WAC: variants seen among roughly 807,000 people sequenced by gnomAD.
WAC encodes WW domain-containing adapter protein with coiled-coil.
A neutral mutation model predicts 79.6 loss-of-function variants in WAC; 11 were observed. That is an observed-to-expected ratio of 0.14 (90% CI 0.09 to 0.23). The LOEUF (loss-of-function observed/expected upper bound fraction) is 0.23. Among genes scored for constraint, WAC ranks in the 10% least tolerant of loss-of-function variants. WAC has a pLI of 1.00. For missense variants in WAC, 728 were observed against 773.5 expected, an observed-to-expected ratio of 0.94 and a Z score of 0.70; for synonymous variants, 304 against 276.9, an observed-to-expected ratio of 1.10 and a Z score of -0.97.
chr10:28,600,649 G>C (rs1294181276), intron 7 of WAC, among the ~76,000 whole-genome samples: 2 of 152,040 alleles, frequency 1.3e-5, no homozygotes, highest in South Asian at 2.1e-4. Flanking sequence ...AATATTGTTT[G>C]TAATTTGAGG....
intron 2 of WAC, 81 bp downstream of exon 2, chr10:28,534,115 G>T: frequency 7.1e-7 from 1 of 1,401,398 alleles, no homozygotes; most frequent in South Asian, 1.4e-5. Context: ...GCAGGCCTCA[G>T]AAGTCGATAC....
Position 28,535,707 on chromosome 10 carries a change from A to C in WAC, c.224A>C (p.His75Pro). 6.2e-7 allele frequency: 1 copy of C among 1,614,106 alleles called. No homozygotes were observed. The highest frequency in any genetic ancestry group is 8.5e-7 in the Non-Finnish European group (1 of 1,180,000). ...AACAAATACAGTGACAGCACAGGTC[A>C]CAGTAAGGCCAAAAATGTGCATACT... is the stretch of plus-strand genomic sequence containing the variant. Reference protein sequence around the residue: ...PENKYSDSTGHSKAKNVHTHR... With the variant: ...PENKYSDSTGPSKAKNVHTHR... The change falls in exon 3 of 14, where the codon CAC becomes CCC. Residue 75 changes from histidine (H) to proline (P), a missense_variant. His to Pro is a moderately conservative substitution (Grantham distance 77, BLOSUM62 -2). This residue lies in a region of WAC where 648 missense variants were observed against 661.5 expected (regional missense o/e 0.98). Transcript: ENST00000354911.
intron 12 of WAC, 73 bp downstream of exon 12, chr10:28,616,435 C>T: frequency 8.5e-7 from 1 of 1,182,860 alleles, no homozygotes; most frequent in Non-Finnish European, 1.1e-6. Flanking sequence ...TCTAGAGAAT[C>T]TAATGTGACC....
At chr10:28,618,291 T>G (rs558958901) in intron 13 of WAC, among the ~76,000 whole-genome samples, 2 of 152,362 alleles carry the variant, frequency 1.3e-5, no homozygotes, top group African/African-American at 4.8e-5. Context: ...GGTATTATTT[T>G]TTAATGCCTA....
At chr10:28,560,378 G>T (rs1207203801) in intron 3 of WAC, among the ~76,000 whole-genome samples, 1 of 152,054 alleles carries the variant, frequency 6.6e-6, no homozygotes, top group African/African-American at 2.4e-5. Flanking sequence ...GAGTGTGTGT[G>T]GGGGGCACGA....
rs3758361 is a variant in WAC at position 28,608,121 on chromosome 10, C to T, written c.920-65C>T. 495 of 1,588,576 alleles carry T rather than the reference C, an allele frequency of 3.1e-4. 2 individuals are homozygous for T. The East Asian group carries it at 3.6e-3, about 12-fold the overall frequency. On this transcript the variant is annotated intron_variant, in intron 7 of 13. Transcript: ENST00000354911. The stretch of plus-strand genomic sequence containing the variant: ...GGTGCCTGGCACATGAGAGGTGTTC[C>T]TTTGATGTTTGTTCCAATTTTCTCT...
At chr10:28,611,215 C>A (rs1300691158) in intron 9 of WAC, 1 of 1,253,666 alleles carries the variant, frequency 8.0e-7, no homozygotes. Context: ...TGTTTTTTGA[C>A]TGGATAATAT....
At position 28,608,282 on chromosome 10, in the gene WAC, C is replaced by G. The variant is rs940404623; in HGVS notation, c.1016C>G (p.Ser339Cys). The G allele has an allele frequency of 6.2e-7, 1 of 1,614,226 alleles. No homozygotes were observed. Among genetic ancestry groups the G allele is most frequent in the Non-Finnish European group, 8.5e-7 (1 of 1,180,032 alleles). ...AACCCCACATCTGCACCTCCAACAT[C>G]TGCTTCAGCGGTCCCTGTTTCTCCT... ...GLNPTSAPPT[S>C]ASAVPVSPVP... The change falls in exon 8 of 14, where the codon TCT becomes TGT. Residue 339 changes from serine to cysteine, a missense_variant. Around this residue, in one of 3 missense-constraint regions of WAC, gnomAD observed 648 missense variants for 661.5 expected, o/e 0.98. Coordinates refer to ENST00000354911, the MANE Select transcript of WAC (RefSeq NM_016628.5).
intron 3 of WAC, among the ~76,000 whole-genome samples, chr10:28,544,730 T>C (rs1216175704): frequency 6.6e-6 from 1 of 151,966 alleles, no homozygotes; most frequent in East Asian, 1.9e-4. Context: ...TCCAGGACTT[T>C]GTGGTTCAGA....
intron 3 of WAC, among the ~76,000 whole-genome samples, chr10:28,579,474 G>A (rs141637430): frequency 6.6e-6 from 1 of 152,100 alleles, no homozygotes; most frequent in Non-Finnish European, 1.5e-5. Flanking sequence ...GCTCTTACTG[G>A]ATAGGTTCAG....
chr10:28,552,875 T>C (rs1837764394), intron 3 of WAC, among the ~76,000 whole-genome samples: 2 of 141,280 alleles, frequency 1.4e-5, no homozygotes, highest in Admixed American at 1.5e-4. Context: ...TTTTGTCTTC[T>C]TGGGTAAAGA....
Position 28,595,914 on chromosome 10 carries a change from T to C in WAC, c.792T>C (p.Pro264=), listed in dbSNP as rs745887419. The change falls in exon 7 of 14, where the codon CCT becomes CCC. Residue 264 remains proline (P), a synonymous_variant. Coordinates refer to ENST00000354911, the MANE Select transcript of WAC (RefSeq NM_016628.5). The stretch of plus-strand genomic sequence containing the variant: ...CAACTGCTACCCCAAGCACTGTTCC[T>C]TCTAGTCCATTTACGCTACAGTCTG... ...VHPTATPSTV[P]SSPFTLQSDH... is the part of the protein sequence containing the mutation. The C allele has an allele frequency of 1.9e-6, 3 of 1,614,198 alleles. No individual in the cohort carries two copies. Among genetic ancestry groups the C allele is most frequent in the South Asian group, 1.1e-5 (1 of 91,084 alleles).
intron 3 of WAC, among the ~76,000 whole-genome samples, chr10:28,559,056 A>AT (rs1838154695): frequency 6.6e-6 from 1 of 152,040 alleles, no homozygotes; most frequent in Non-Finnish European, 1.5e-5. Context: ...GTACGTAAAT[A>AT]TATCAGGCAG....
In WAC at chr10:28,619,634, A is replaced by G; in HGVS notation, c.*28A>G. On this transcript the variant is annotated 3_prime_UTR_variant, in exon 14 of 14. Coordinates refer to ENST00000354911, the MANE Select transcript of WAC (RefSeq NM_016628.5). ...ATGTGAATAATTGCACATGGTTTTG[A>G]GAACAGGAACTGTAAATCTGTTGCC... The G allele has an allele frequency of 6.4e-7, 1 of 1,553,362 alleles. No homozygotes were observed. Among genetic ancestry groups the G allele is most frequent in the Non-Finnish European group, 8.7e-7 (1 of 1,155,788 alleles).
intron 3 of WAC, among the ~76,000 whole-genome samples, chr10:28,581,803 C>G (rs1022055534): frequency 1.3e-5 from 2 of 152,136 alleles, no homozygotes; most frequent in African/African-American, 4.8e-5. Flanking sequence ...CTCGGGTGAT[C>G]CACCTGCCTC....
chr10:28,613,418 C>T (rs1470774993), intron 10 of WAC, among the ~76,000 whole-genome samples: 2 of 152,014 alleles, frequency 1.3e-5, no homozygotes, highest in East Asian at 1.9e-4. Context: ...GTAGGAGAAT[C>T]ACCTGCGCCT....
chr10:28,598,244 A>T (rs1461517934), intron 7 of WAC, among the ~76,000 whole-genome samples: 1 of 152,176 alleles, frequency 6.6e-6, no homozygotes, highest in African/African-American at 2.4e-5. Context: ...ACTTGACAGG[A>T]TGGTTGCAGT....
At chr10:28,585,851 T>C (rs1223021744) in intron 4 of WAC, among the ~76,000 whole-genome samples, 3 of 152,118 alleles carry the variant, frequency 2.0e-5, no homozygotes, top group Non-Finnish European at 4.4e-5. Context: ...ACTTTGATTA[T>C]TAGGATTTTA....
chr10:28,591,118 C>G (rs572241636), intron 6 of WAC: 4 of 302,074 alleles, frequency 1.3e-5, no homozygotes, highest in East Asian at 2.1e-4. Context: ...CCTGATCCCC[C>G]CAGACAGGAG....
Sources: gnomAD v4.1 joint callset for allele counts (sites outside exome capture counted in the v4.1 genomes callset) on GRCh38, gnomAD v4.1.1 for gene constraint, gnomAD v4.1.1 regional missense constraint, MANE v1.5 for transcripts, NCBI Gene and HGNC (gene_info 2026-07-23, HGNC 2026-07-21) for gene names.